Variants in SZT2 observed in about 807,000 individuals in gnomAD.
SZT2 encodes KICSTOR complex protein SZT2.
SZT2 carries 216 observed loss-of-function variants against 404.2 expected under a neutral mutation model. That is an observed-to-expected ratio of 0.53 (90% CI 0.48 to 0.60). SZT2 has a LOEUF of 0.60. Among genes scored for constraint, SZT2 ranks in the 20% least tolerant of loss-of-function variants. The pLI, the probability that SZT2 is intolerant of heterozygous loss-of-function variation, is 0.00. For synonymous variants in SZT2, 1,693 were observed against 1,749.9 expected (o/e 0.97, Z 0.81); for missense variants, 3,857 against 4,459.2 (o/e 0.86, Z 3.85).
rs1557615350 is a variant in SZT2, at chr1:43,452,181, CGT to C, written c.*1708_*1709del. The C allele has an allele frequency of 1.4e-5, 22 of 1,573,990 alleles. No homozygotes were observed. The highest frequency in any genetic ancestry group is 1.8e-5 in the Non-Finnish European group (21 of 1,147,214). ...GCACACCCACAGAGACATGTAAGTA[CGT>C]GTGTGTTTCCACCTTTCTCACCTGA... On this transcript the variant is annotated 3_prime_UTR_variant, in exon 72 of 72. Transcript: ENST00000634258.
rs748903787 is a variant in SZT2 at position 43,440,512 on chromosome 1, C to T, written c.7270C>T (p.Pro2424Ser). Residue 2424 changes from proline (P) to serine (S), a missense_variant, in exon 52 of 72, where the codon CCC (proline) becomes TCC (serine). Transcript: ENST00000634258. The part of the protein sequence containing the change: ...KSSAGRASTF[P>S]PAPVPGEPVT... ...CTCTGCAGGCCGAGCTAGCACCTTT[C>T]CCCCTGCCCCTGTCCCTGGGGAGCC... The T allele has an allele frequency of 1.2e-6, 2 of 1,608,266 alleles. No homozygotes were observed. The highest frequency in any genetic ancestry group is 1.7e-6 in the Non-Finnish European group (2 of 1,177,536).
chr1:43,454,089 C>G lies in SZT2; in HGVS notation c.*3609C>G. The G allele has an allele frequency of 9.1e-7, 1 of 1,097,878 alleles. No individual in the cohort carries two copies. Among genetic ancestry groups the G allele is most frequent in the Non-Finnish European group, 1.1e-6 (1 of 902,280 alleles). 68.0% of individuals were successfully genotyped at this position (1,097,878 alleles called of 1,614,324 possible). A position where few individuals can be genotyped will look rare whatever the true frequency, so the allele number is the denominator to read the frequency against. Reference sequence around the variant, plus strand: ...CGAGCTCCAGGGCCTGAGAGCCGGACGCGAAGCAAGAGAGAGCTGGCTGCC... The same window carrying G: ...CGAGCTCCAGGGCCTGAGAGCCGGAGGCGAAGCAAGAGAGAGCTGGCTGCC... On this transcript the variant is annotated 3_prime_UTR_variant, in exon 72 of 72. Coordinates refer to ENST00000634258, the MANE Select transcript of SZT2 (RefSeq NM_001365999.1).
rs1019432948 is a variant in SZT2, at chr1:43,438,985, C to T, written c.6684C>T (p.Thr2228=). 1.2e-6 allele frequency: 2 copies of T among 1,614,206 alleles called. No homozygotes were observed. Among genetic ancestry groups the T allele is most frequent in the Non-Finnish European group, 8.5e-7 (1 of 1,180,032 alleles). The part of the protein sequence containing the change: ...PSEVLHLALP[T]SCRPWLPALA... ...AGGTGCTGCATCTGGCCCTACCCAC[C>T]TCCTGCAGGCCCTGGCTTCCAGCCC... Residue 2228 remains threonine, a synonymous_variant, in exon 48 of 72, where the codon ACC becomes ACT. Transcript: ENST00000634258.
Position 43,422,647 on chromosome 1 carries a change from GTCCCT to G in SZT2, c.1922+18_1922+22del, listed in dbSNP as rs770023860. The G allele has an allele frequency of 6.5e-6, 10 of 1,545,450 alleles. No individual in the cohort carries two copies. Among genetic ancestry groups the G allele is most frequent in the Non-Finnish European group, 8.7e-6 (10 of 1,155,710 alleles). The stretch of plus-strand genomic sequence containing the variant: ...CTGCTCTCCAGGTGGGCAAAGTGAT[GTCCCT>G]TCACCCCCCGCCCCCCCACCCCCCC... On this transcript the variant is annotated intron_variant, in intron 13 of 71. Transcript: ENST00000634258.
At chr1:43,405,590 G>A (rs1650204202) in intron 4 of SZT2, 1 of 152,248 alleles carries the variant, frequency 6.6e-6, no homozygotes, top group Admixed American at 6.5e-5. Context: ...CTGGATTTGA[G>A]AGATAAGATA....
chr1:43,429,990 T>A (rs199724998), intron 29 of SZT2, 21 bp from the exon 30 acceptor site: 1 of 1,613,974 alleles, frequency 6.2e-7, no homozygotes, highest in Non-Finnish European at 8.5e-7. Flanking sequence ...CATTCTAACC[T>A]CCTTCTAAAC....
intron 4 of SZT2, among the ~76,000 whole-genome samples, chr1:43,407,644 A>G (rs1336825396): frequency 6.6e-6 from 1 of 152,130 alleles, no homozygotes; most frequent in Non-Finnish European, 1.5e-5. Context: ...CCTGGGCCAC[A>G]GAGTGAGAAC....
chr1:43,391,596 A>G lies in SZT2; in HGVS notation c.27+1601A>G, dbSNP rs1000673940. Among the ~76,000 whole-genome samples the G allele has an allele frequency of 4.6e-5, 7 of 152,192 alleles. No individual in the cohort carries two copies. In the South Asian group the frequency reaches 6.2e-4, roughly 13 times the overall value. ...AGAAATATCAATCAAGATCAATCAGAAATATTAACACAAGAAAAACTATGA... is the reference window on the plus strand; with the variant it reads ...AGAAATATCAATCAAGATCAATCAGGAATATTAACACAAGAAAAACTATGA... On this transcript the variant is annotated intron_variant, in intron 1 of 71. Transcript: ENST00000634258.
rs778357599 is a variant in SZT2 at position 43,447,889 on chromosome 1, G to C, written c.9481G>C (p.Asp3161His). Residue 3161 changes from aspartate (D) to histidine (H), a missense_variant, in exon 68 of 72, where the codon GAT (aspartate) becomes CAT (histidine). By Grantham distance (81) the Asp-to-His change is moderately conservative (BLOSUM62 -1). Coordinates refer to ENST00000634258, the MANE Select transcript of SZT2 (RefSeq NM_001365999.1). ...YLDSEGLRHQ[D>H]DFDVSLLVCH... Reference sequence around the variant, plus strand: ...GGACTCTGAGGGACTTCGACACCAGGATGACTTTGATGTGTCTCTGCTTGT... The same window carrying C: ...GGACTCTGAGGGACTTCGACACCAGCATGACTTTGATGTGTCTCTGCTTGT... 11 of 1,613,986 alleles carry C rather than the reference G, an allele frequency of 6.8e-6. No homozygotes were observed. Among genetic ancestry groups the C allele is most frequent in the East Asian group, 2.2e-5 (1 of 44,878 alleles).
chr1:43,439,776 C>A lies in SZT2; in HGVS notation c.7042+7C>A. 6.3e-7 allele frequency: 1 copy of A among 1,578,320 alleles called. No individual in the cohort carries two copies. The stretch of plus-strand genomic sequence containing the variant: ...GTTGTGGACAGTTCTTCAGGTGGGA[C>A]AGCTTGGTCAGAGGATGAGGTGTTC... On this transcript the variant is annotated splice_region_variant and intron_variant, in intron 50 of 71. Coordinates refer to ENST00000634258, the MANE Select transcript of SZT2 (RefSeq NM_001365999.1). The surrounding 1 kb of genome is among the most constrained non-coding windows in gnomAD (Gnocchi z 4.2).
In SZT2 at chr1:43,453,556, ACCCCCCAGC is replaced by A. The variant is rs753684980; in HGVS notation, c.*3079_*3087del. On this transcript the variant is annotated 3_prime_UTR_variant, in exon 72 of 72. Transcript: ENST00000634258. Reference sequence around the variant, plus strand: ...GACACTCCCCTGCCCGCGCCCCGGCACCCCCCAGCCCTCCCAGCCCTCCCGGCCCGCGAC... The same window carrying A: ...GACACTCCCCTGCCCGCGCCCCGGCACCTCCCAGCCCTCCCGGCCCGCGAC... 6.6e-6 allele frequency: 10 copies of A among 1,511,034 alleles called. No individual in the cohort carries two copies. Among genetic ancestry groups the A allele is most frequent in the South Asian group, 1.3e-5 (1 of 78,330 alleles). 93.6% of individuals were successfully genotyped at this position (1,511,034 alleles called of 1,614,324 possible).
chr1:43,426,562 C>T lies in SZT2; in HGVS notation c.3214+24C>T. 6.5e-7 allele frequency: 1 copy of T among 1,539,442 alleles called. No homozygotes were observed. The highest frequency in any genetic ancestry group is 8.7e-7 in the Non-Finnish European group (1 of 1,144,898). On this transcript the variant is annotated intron_variant, in intron 22 of 71. Coordinates refer to ENST00000634258, the MANE Select transcript of SZT2 (RefSeq NM_001365999.1). The surrounding 1 kb of genome is among the most constrained non-coding windows in gnomAD (Gnocchi z 4.9). ...AGGTGAGTTCCCCACATCCTCCTGACACCAGACCCTGGCCCAGCCCTTTTC... is the reference window on the plus strand; with the variant it reads ...AGGTGAGTTCCCCACATCCTCCTGATACCAGACCCTGGCCCAGCCCTTTTC...
chr1:43,428,218 T>G (rs1373365424), intron 27 of SZT2, 22 bp from the exon 28 acceptor site: 1 of 1,614,048 alleles, frequency 6.2e-7, no homozygotes. Flanking sequence ...TCAAGCCTCA[T>G]GGCCCCTTCC....
rs373445250 is a variant in SZT2, at chr1:43,451,950, C to A, written c.*1470C>A. The A allele has an allele frequency of 2.7e-5, 43 of 1,612,010 alleles. No homozygotes were observed. The highest frequency in any genetic ancestry group is 3.6e-5 in the Non-Finnish European group (42 of 1,178,578). On this transcript the variant is annotated 3_prime_UTR_variant, in exon 72 of 72. Transcript: ENST00000634258. ...GGGGTCGTACCCTGCTGGGGCGTGTCCAGGAAGTACTGGGGGTCAGTGATG... is the reference window on the plus strand; with the variant it reads ...GGGGTCGTACCCTGCTGGGGCGTGTACAGGAAGTACTGGGGGTCAGTGATG...
chr1:43,427,266 T>G lies in SZT2; in HGVS notation c.3434-15T>G. On this transcript the variant is annotated splice_polypyrimidine_tract_variant and intron_variant, in intron 24 of 71. Coordinates refer to ENST00000634258, the MANE Select transcript of SZT2 (RefSeq NM_001365999.1). Reference sequence around the variant, plus strand: ...GCCCACCAGGCAGCTCTGATTTATGTCTGATCCTCTTCAGATGTCCAGCGT... The same window carrying G: ...GCCCACCAGGCAGCTCTGATTTATGGCTGATCCTCTTCAGATGTCCAGCGT... 1 of 1,607,212 alleles carries G rather than the reference T, an allele frequency of 6.2e-7. No homozygotes were observed. The highest frequency in any genetic ancestry group is 8.5e-7 in the Non-Finnish European group (1 of 1,176,228).
chr1:43,419,709 G>A, intron 7 of SZT2, 25 bp from the exon 8 acceptor site: 1 of 1,581,496 alleles, frequency 6.3e-7, no homozygotes, highest in South Asian at 1.1e-5. Context: ...TCAGAGCTAG[G>A]TCTTCAGTTG....
intron 46 of SZT2, among the ~76,000 whole-genome samples, 187 bp from the exon 47 acceptor site, chr1:43,438,512 G>A (rs1654704835): frequency 6.6e-6 from 1 of 152,174 alleles, no homozygotes. Flanking sequence ...TAAAACTCAA[G>A]TGTCCATAGT....
chr1:43,407,878 G>C (rs1187118792), intron 4 of SZT2, among the ~76,000 whole-genome samples: 3 of 142,110 alleles, frequency 2.1e-5, no homozygotes, highest in African/African-American at 7.9e-5. Context: ...TGTTACCCAG[G>C]CTGGAGTGCA....
intron 64 of SZT2, 28 bp from the exon 65 acceptor site, chr1:43,446,314 C>T (rs531407895): frequency 1.2e-6 from 2 of 1,614,248 alleles, no homozygotes; most frequent in South Asian, 1.1e-5. Flanking sequence ...CTCTCGCCTT[C>T]CTGATCTCAT....
Sources: allele counts gnomAD v4.1 joint callset (sites outside exome capture counted in the v4.1 genomes callset), GRCh38; gene constraint gnomAD v4.1.1; non-coding constraint Gnocchi (gnomAD v3.1); transcripts MANE v1.5; gene names NCBI Gene and HGNC (gene_info 2026-07-23, HGNC 2026-07-21).